Variants in GPC5 observed in about 807,000 individuals in gnomAD.
The protein encoded by GPC5 is glypican-5.
In GPC5, 47 loss-of-function variants were observed where a neutral mutation model predicts 53.9. The observed-to-expected ratio is 0.87, with a 90% CI of 0.69 to 1.11. GPC5 has a LOEUF of 1.11. Ranked by LOEUF, GPC5 falls within the 50% of genes most tolerant of loss-of-function variation. The pLI is 0.00. For missense variants in GPC5, 748 were observed against 713.1 expected (o/e 1.05, Z -0.56); for synonymous variants, 286 against 263.3 (o/e 1.09, Z -0.84).
intron 6 of GPC5, among the ~76,000 whole-genome samples, chr13:92,082,675 TA>T: frequency 6.6e-6 from 1 of 152,356 alleles, no homozygotes; most frequent in East Asian, 1.9e-4. Flanking sequence ...TTGTAATTGA[TA>T]AATAAGAGTT....
chr13:92,703,552 T>C (rs944500699), intron 7 of GPC5, among the ~76,000 whole-genome samples: 2 of 147,188 alleles, frequency 1.4e-5, no homozygotes, highest in African/African-American at 2.5e-5. Context: ...AATTTTTCAG[T>C]ATAGAAAAGG....
intron 6 of GPC5, among the ~76,000 whole-genome samples, chr13:91,914,260 T>C (rs1030409264): frequency 5.9e-5 from 9 of 152,310 alleles, no homozygotes; most frequent in African/African-American, 2.2e-4. Flanking sequence ...ACTTTCAATA[T>C]GAAACAGAAA....
chr13:91,707,102 A>G (rs1240944569), intron 3 of GPC5, among the ~76,000 whole-genome samples: 2 of 152,120 alleles, frequency 1.3e-5, no homozygotes, highest in Non-Finnish European at 2.9e-5. Context: ...GTCTAAGTTA[A>G]TGTTTATATT....
Position 92,357,203 on chromosome 13 carries a change from A to G in GPC5, c.1561+212214A>G, listed in dbSNP as rs534653684. Among the ~76,000 whole-genome samples the G allele has an allele frequency of 3.3e-5, 5 of 151,882 alleles. No individual in the cohort carries two copies. In the East Asian group the frequency reaches 7.7e-4, roughly 23 times the overall value. ...CATGTGCATGTGTCTTTATGGCAGA[A>G]TGATTTATATTCCTTTGGGTATATA... On this transcript the variant is annotated intron_variant, in intron 7 of 7. Coordinates refer to ENST00000377067, the MANE Select transcript of GPC5 (RefSeq NM_004466.6).
intron 2 of GPC5, among the ~76,000 whole-genome samples, chr13:91,455,442 T>C (rs945483204): frequency 2.0e-5 from 3 of 152,140 alleles, no homozygotes; most frequent in African/African-American, 7.2e-5. Flanking sequence ...TGTGGTCCTC[T>C]CTGATTATTA....
In GPC5 at chr13:91,804,748, G is replaced by A. The variant is rs780871739; in HGVS notation, c.1280+48328G>A. 8.5e-5 allele frequency among the ~76,000 whole-genome samples: 13 copies of A among 152,300 alleles called. 1 individual carries two copies. In the Middle Eastern group the frequency reaches 0.01, roughly 120 times the overall value. ...ATAACAAGGCATTATGCCATCTTGA[G>A]TCCCTAAGAGAGGCAGGTTTGGCAG... On this transcript the variant is annotated intron_variant, in intron 5 of 7. Transcript: ENST00000377067.
chr13:92,041,609 G>A (rs1477968717), intron 6 of GPC5, among the ~76,000 whole-genome samples: 6 of 152,190 alleles, frequency 3.9e-5, no homozygotes, highest in South Asian at 2.1e-4. Flanking sequence ...GTCCATTCAA[G>A]TGATTGTTAT....
At chr13:92,556,862 G>A (rs759854806) in intron 7 of GPC5, among the ~76,000 whole-genome samples, 12 of 151,784 alleles carry the variant, frequency 7.9e-5, no homozygotes, top group Non-Finnish European at 1.3e-4. Context: ...TCTTTTGAAT[G>A]TGCTGAGATA....
At chr13:92,798,742 A>G (rs746986502) in intron 7 of GPC5, among the ~76,000 whole-genome samples, 11 of 151,850 alleles carry the variant, frequency 7.2e-5, no homozygotes, top group Non-Finnish European at 1.5e-4. Context: ...TTTTCCTTTC[A>G]TAGCATTAAA....
intron 6 of GPC5, among the ~76,000 whole-genome samples, chr13:91,944,075 A>ATTTCTT (rs919608950): frequency 5.3e-5 from 8 of 151,646 alleles, no homozygotes; most frequent in African/African-American, 1.9e-4. Context: ...GTGGCAGGAT[A>ATTTCTT]TTTCTTTTTC....
At chr13:92,819,300 T>C (rs117196990) in intron 7 of GPC5, among the ~76,000 whole-genome samples, 80 of 152,308 alleles carry the variant, frequency 5.3e-4, no homozygotes, top group Non-Finnish European at 1.1e-3. Flanking sequence ...ATTACTTTCA[T>C]ACAATGTTCT....
chr13:91,943,163 T>C (rs1025620800), intron 6 of GPC5, among the ~76,000 whole-genome samples: 2 of 152,150 alleles, frequency 1.3e-5, no homozygotes, highest in African/African-American at 4.8e-5. Context: ...TGCATAAGAT[T>C]CTGCTATGCT....
chr13:91,631,370 A>G (rs1464649003), intron 2 of GPC5, among the ~76,000 whole-genome samples: 1 of 152,142 alleles, frequency 6.6e-6, no homozygotes, highest in African/African-American at 2.4e-5. Context: ...GCAGGTATAC[A>G]GAATATGTCT....
chr13:91,431,824 A>G (rs1323340968), intron 1 of GPC5, among the ~76,000 whole-genome samples: 1 of 152,230 alleles, frequency 6.6e-6, no homozygotes, highest in Non-Finnish European at 1.5e-5. Flanking sequence ...AGCTTGATAA[A>G]TAATTTTGGT....
At chr13:91,405,236 G>A (rs1877233880) in intron 1 of GPC5, among the ~76,000 whole-genome samples, 2 of 152,100 alleles carry the variant, frequency 1.3e-5, no homozygotes, top group South Asian at 2.1e-4. Flanking sequence ...TGGGGGATTG[G>A]CAATTCTTTG....
At chr13:92,575,264 C>A (rs1883154190) in intron 7 of GPC5, among the ~76,000 whole-genome samples, 1 of 152,124 alleles carries the variant, frequency 6.6e-6, no homozygotes, top group East Asian at 1.9e-4. Flanking sequence ...AGTTAATAAG[C>A]TCAAAAGGAG....
intron 7 of GPC5, among the ~76,000 whole-genome samples, chr13:92,328,222 G>C (rs910034081): frequency 2.6e-5 from 4 of 152,150 alleles, no homozygotes; most frequent in African/African-American, 9.7e-5. Flanking sequence ...TATTTGTGGA[G>C]GGAGTAAGTG....
intron 7 of GPC5, among the ~76,000 whole-genome samples, chr13:92,582,793 G>C (rs1430319164): frequency 6.6e-6 from 1 of 151,692 alleles, no homozygotes; most frequent in Non-Finnish European, 1.5e-5. Context: ...TTTTCAGATA[G>C]TTCATTGTTA....
chr13:92,790,481 G>C (rs1876422810), intron 7 of GPC5, among the ~76,000 whole-genome samples: 1 of 152,084 alleles, frequency 6.6e-6, no homozygotes, highest in Non-Finnish European at 1.5e-5. Context: ...ATAATATGTA[G>C]AGAAGAAAGA....
Sources: allele counts gnomAD v4.1 joint callset (sites outside exome capture counted in the v4.1 genomes callset), GRCh38; gene constraint gnomAD v4.1.1; transcripts MANE v1.5; gene names NCBI Gene and HGNC (gene_info 2026-07-23, HGNC 2026-07-21).